Variants in DPP6 observed in about 807,000 individuals in gnomAD.
DPP6 encodes dipeptidyl peptidase like 6.
DPP6 carries 69 observed loss-of-function variants against 122.6 expected under a neutral mutation model. That is an observed-to-expected ratio of 0.56 (90% CI 0.46 to 0.69). DPP6 has a LOEUF of 0.69. DPP6 is among the 30% of genes least tolerant of loss of function. The pLI is 0.00. For synonymous variants in DPP6, 418 were observed against 433.1 expected, an observed-to-expected ratio of 0.97 and a Z score of 0.43; for missense variants, 928 against 1,116.9, an observed-to-expected ratio of 0.83 and a Z score of 2.41.
intron 1 of DPP6, among the ~76,000 whole-genome samples, chr7:153,962,936 C>T (rs1795429947): frequency 6.6e-6 from 1 of 152,170 alleles, no homozygotes; most frequent in Non-Finnish European, 1.5e-5. Flanking sequence ...CACGCTAATA[C>T]ACATCCTTCA....
intron 3 of DPP6, among the ~76,000 whole-genome samples, chr7:154,506,896 A>G (rs1449561183): frequency 6.6e-6 from 1 of 152,148 alleles, no homozygotes; most frequent in African/African-American, 2.4e-5. Context: ...ATACATACAC[A>G]TTTTCCCTTT....
chr7:153,776,444 T>C, the DPP6 span, among the ~76,000 whole-genome samples: 4 of 152,130 alleles, frequency 2.6e-5, no homozygotes, highest in African/African-American at 9.7e-5. Flanking sequence ...AAGAAGGACG[T>C]GTTTGCTTCC....
In DPP6 at chr7:154,880,917, G is replaced by A. The variant is rs762198070; in HGVS notation, c.2108G>A (p.Arg703Lys). 4.3e-6 allele frequency: 7 copies of A among 1,613,830 alleles called. No homozygotes were observed. The African/African-American group carries it at 8.0e-5, about 18-fold the overall frequency. Residue 703 changes from arginine (R) to lysine (K), a missense_variant, in exon 21 of 26, where the codon AGG (arginine) becomes AAG (lysine). Physicochemically the swap from Arg to Lys is conservative, Grantham distance 26. Coordinates refer to ENST00000377770, the MANE Select transcript of DPP6 (RefSeq NM_130797.4). ...RTMLKEQYIDRTRVAVFGKDY... is the reference protein window; with the variant it reads ...RTMLKEQYIDKTRVAVFGKDY... ...ATGCTGAAGGAGCAGTACATTGACA[G>A]GACGCGCGTGGCCGTGTTTGGGAAG... is the stretch of plus-strand genomic sequence containing the variant.
the DPP6 span, among the ~76,000 whole-genome samples, chr7:153,803,972 A>G: frequency 2.6e-5 from 4 of 151,624 alleles, no homozygotes; most frequent in African/African-American, 9.7e-5. Context: ...CAAGAATTTC[A>G]AGTCTTTGCT....
chr7:153,925,559 C>G (rs1800857571), intron 1 of DPP6, among the ~76,000 whole-genome samples: 1 of 147,524 alleles, frequency 6.8e-6, no homozygotes, highest in Non-Finnish European at 1.5e-5. Flanking sequence ...TGAGGGGAGA[C>G]CACTCCATAT....
intron 1 of DPP6, among the ~76,000 whole-genome samples, chr7:153,988,836 G>A (rs1310384432): frequency 6.6e-6 from 1 of 151,800 alleles, no homozygotes; most frequent in Non-Finnish European, 1.5e-5. Flanking sequence ...TATGGAGATT[G>A]CATTGCTTTC....
intron 1 of DPP6, among the ~76,000 whole-genome samples, chr7:154,201,099 T>C (rs970588372): frequency 6.6e-6 from 1 of 152,068 alleles, no homozygotes; most frequent in African/African-American, 2.4e-5. Context: ...ATTATAGTTG[T>C]GGGTGGTGGG....
intron 1 of DPP6, among the ~76,000 whole-genome samples, chr7:154,391,828 A>C (rs368960491): frequency 6.6e-6 from 1 of 152,126 alleles, no homozygotes; most frequent in South Asian, 2.1e-4. Flanking sequence ...CCTCTAGCAC[A>C]AGGTTGCTTT....
At chr7:153,954,950 G>A (rs575441144) in intron 1 of DPP6, among the ~76,000 whole-genome samples, 136 of 152,208 alleles carry the variant, frequency 8.9e-4, no homozygotes, top group African/African-American at 3.0e-3. Flanking sequence ...CCTTACTATC[G>A]GGAAGGTAAG....
chr7:153,960,237 A>C (rs558959763), intron 1 of DPP6, among the ~76,000 whole-genome samples: 1 of 152,256 alleles, frequency 6.6e-6, no homozygotes, highest in East Asian at 1.9e-4. Context: ...TACTTTCATA[A>C]AAGGTTCTCT....
intron 1 of DPP6, among the ~76,000 whole-genome samples, chr7:154,175,699 A>G (rs996494255): frequency 2.7e-5 from 4 of 147,352 alleles, no homozygotes; most frequent in South Asian, 2.2e-4. Flanking sequence ...AAGCAAGGCT[A>G]TTTATTCTTA....
chr7:154,805,942 G>T (rs142642267), intron 15 of DPP6, among the ~76,000 whole-genome samples: 21 of 152,330 alleles, frequency 1.4e-4, no homozygotes, highest in African/African-American at 5.1e-4. Context: ...GGCCAGTGGC[G>T]CATTGTCTAA....
the DPP6 span, among the ~76,000 whole-genome samples, chr7:153,763,478 C>T: frequency 1.3e-5 from 2 of 151,390 alleles, no homozygotes; most frequent in African/African-American, 4.9e-5. Context: ...TTAGAGCTCA[C>T]CAGAACTGAA....
chr7:154,584,594 G>A (rs1427657280), intron 5 of DPP6, among the ~76,000 whole-genome samples: 1 of 152,240 alleles, frequency 6.6e-6, no homozygotes, highest in Admixed American at 6.5e-5. Context: ...AGGAGTGTTT[G>A]CCACGTCGCT....
chr7:154,763,584 T>C (rs1042508294), intron 8 of DPP6, among the ~76,000 whole-genome samples: 4 of 152,044 alleles, frequency 2.6e-5, no homozygotes, highest in African/African-American at 9.7e-5. Flanking sequence ...GCCTGCGTGC[T>C]CCTAATAAAA....
chr7:154,677,742 G>A (rs1839005216), intron 7 of DPP6, among the ~76,000 whole-genome samples: 1 of 152,218 alleles, frequency 6.6e-6, no homozygotes, highest in African/African-American at 2.4e-5. Flanking sequence ...GCCAGCGTGA[G>A]GGCAGGCTGG....
rs1221120144 is a variant in DPP6, at chr7:154,624,198, G to A, written c.628-13623G>A. Among the ~76,000 whole-genome samples the A allele has an allele frequency of 6.6e-6, 1 of 152,088 alleles. No individual in the cohort carries two copies. The highest frequency in any genetic ancestry group is 2.4e-5 in the African/African-American group (1 of 41,402). On this transcript the variant is annotated intron_variant, in intron 5 of 25. Coordinates refer to ENST00000377770, the MANE Select transcript of DPP6 (RefSeq NM_130797.4). The surrounding 1 kb of genome is among the most constrained non-coding windows in gnomAD (Gnocchi z 4.7). ...CAAAAATCAGCCAGACGTGGTGGCG[G>A]GTGCCTATAAATCCAGCTACTTGGG...
rs189399577 is a variant in DPP6 at position 154,718,166 on chromosome 7, C to T, written c.763-9601C>T. The stretch of plus-strand genomic sequence containing the variant: ...ATGGATACTAACCCCTCGTCAGATG[C>T]GTCGTTTGCAGATATTTCCTCCCAT... On this transcript the variant is annotated intron_variant, in intron 7 of 25. Transcript: ENST00000377770. Among the ~76,000 whole-genome samples, 152 of 152,274 alleles carry T rather than the reference C, an allele frequency of 1.0e-3. 3 individuals are homozygous for T. Among genetic ancestry groups the T allele is most frequent in the Middle Eastern group, 6.8e-3 (2 of 294 alleles).
chr7:154,375,155 G>A (rs983724360), intron 1 of DPP6, among the ~76,000 whole-genome samples: 44 of 152,052 alleles, frequency 2.9e-4, no homozygotes, highest in Non-Finnish European at 1.5e-4. Flanking sequence ...GTCAAGAAAC[G>A]CTTTTTTGAG....
Sources: gnomAD v4.1 joint callset for allele counts (sites outside exome capture counted in the v4.1 genomes callset) on GRCh38, gnomAD v4.1.1 for gene constraint, Gnocchi (gnomAD v3.1) non-coding constraint, MANE v1.5 for transcripts, NCBI Gene and HGNC (gene_info 2026-07-23, HGNC 2026-07-21) for gene names.